The following CPB1 variants were observed in gnomAD, a reference collection of about 807,000 sequenced individuals.
The protein encoded by CPB1 is carboxypeptidase B1.
CPB1 carries 53 observed loss-of-function variants against 51.4 expected under a neutral mutation model. That is an observed-to-expected ratio of 1.03 (90% CI 0.83 to 1.30). The LOEUF is 1.30. Ranked by LOEUF, CPB1 falls within the 50% of genes most tolerant of loss-of-function variation. CPB1 has a pLI of 0.00. For missense variants in CPB1, 494 were observed against 516.2 expected (o/e 0.96, Z 0.42); for synonymous variants, 189 against 186.9 (o/e 1.01, Z -0.09).
At chr3:148,857,069 T>TGTTTTTTTGTTTTTTTTTTTTTTTTG (rs201153962) in intron 9 of CPB1, 1 of 142,974 alleles carries the variant, frequency 7.0e-6, no homozygotes, top group Non-Finnish European at 1.5e-5. Flanking sequence ...AGTGTTTTTT[T>TGTTTTTTTGTTTTTTTTTTTTTTTTG]TTTTTTTTTT....
chr3:148,837,910 A>C (rs1300860931), intron 3 of CPB1, among the ~76,000 whole-genome samples: 1 of 152,122 alleles, frequency 6.6e-6, no homozygotes, highest in African/African-American at 2.4e-5. Context: ...GTCTCTTAGT[A>C]CCAAACAAAA....
intron 2 of CPB1, among the ~76,000 whole-genome samples, chr3:148,833,940 G>T (rs1336819011): frequency 6.9e-6 from 1 of 144,452 alleles, no homozygotes; most frequent in Non-Finnish European, 1.6e-5. Context: ...AGAGCAATTT[G>T]TCTCCAGCCA....
intron 9 of CPB1, among the ~76,000 whole-genome samples, chr3:148,846,462 T>G (rs531565428): frequency 5.5e-4 from 83 of 152,032 alleles, no homozygotes; most frequent in Non-Finnish European, 9.1e-4. Flanking sequence ...AAAAATGTAT[T>G]CCATTTAGAC....
rs569169085 is a variant in CPB1 at position 148,846,445 on chromosome 3, CA to C, written c.981+830del. Among the ~76,000 whole-genome samples, 1,071 of 141,358 alleles carry C rather than the reference CA, an allele frequency of 7.6e-3. 12 individuals carry two copies. The highest frequency in any genetic ancestry group is 0.043 in the East Asian group (210 of 4,928). 92.7% of individuals were successfully genotyped at this position (141,358 alleles called of 152,430 possible). A position where few individuals can be genotyped will look rare whatever the true frequency, so the allele number is the denominator to read the frequency against. On this transcript the variant is annotated intron_variant, in intron 9 of 10. Transcript: ENST00000282957. ...AAGATTTAAAGCATTTGAGTTATGC[CA>C]AAAAAAAAAATGTATTCCATTTAGA...
In CPB1 at chr3:148,844,602, T is replaced by C. The variant is rs759063700; in HGVS notation, c.687+14T>C. 5.0e-6 allele frequency: 8 copies of C among 1,611,726 alleles called. No homozygotes were observed. Among genetic ancestry groups the C allele is most frequent in the African/African-American group, 2.7e-5 (2 of 74,876 alleles). ...ACCTGGACCAAGGTATATGCACCAATACTGAGAGAGGCTGATGAAATTAAA... is the reference window on the plus strand; with the variant it reads ...ACCTGGACCAAGGTATATGCACCAACACTGAGAGAGGCTGATGAAATTAAA... On this transcript the variant is annotated intron_variant, in intron 7 of 10. Transcript: ENST00000282957.
intron 2 of CPB1, among the ~76,000 whole-genome samples, chr3:148,830,957 T>C (rs1712716557): frequency 1.3e-5 from 2 of 152,206 alleles, no homozygotes; most frequent in South Asian, 2.1e-4. Flanking sequence ...TTCTGGGCTG[T>C]AGCCTTCCTG....
intron 2 of CPB1, among the ~76,000 whole-genome samples, chr3:148,829,269 CT>C (rs1384328133): frequency 3.3e-5 from 5 of 152,088 alleles, no homozygotes; most frequent in African/African-American, 9.7e-5. Context: ...GTCTATATTT[CT>C]TTTTTTAAAT....
chr3:148,847,003 T>G (rs1001621417), intron 9 of CPB1, among the ~76,000 whole-genome samples: 4 of 149,518 alleles, frequency 2.7e-5, no homozygotes, highest in Admixed American at 6.7e-5. Context: ...GTATGTAGTT[T>G]GTATAACTCA....
rs1021138024 is a variant in CPB1, at chr3:148,827,943, C to T, written c.71+49C>T. On this transcript the variant is annotated intron_variant, in intron 1 of 10. Coordinates refer to ENST00000282957, the MANE Select transcript of CPB1 (RefSeq NM_001871.3). Reference sequence around the variant, plus strand: ...CAAGTCCTTCTTCCTTGCTAGCCCCCAAATTTGGACACATTACTCATTTCC... The same window carrying T: ...CAAGTCCTTCTTCCTTGCTAGCCCCTAAATTTGGACACATTACTCATTTCC... 7 of 1,611,818 alleles carry T rather than the reference C, an allele frequency of 4.3e-6. No individual in the cohort carries two copies. In the African/African-American group the frequency reaches 9.4e-5, roughly 22 times the overall value.
intron 3 of CPB1, among the ~76,000 whole-genome samples, chr3:148,834,856 C>G (rs1358942339): frequency 6.6e-6 from 1 of 152,164 alleles, no homozygotes. Flanking sequence ...GACCCCAAGT[C>G]TTCTGCCAGA....
chr3:148,857,657 A>T, intron 10 of CPB1, 116 bp downstream of exon 10: 1 of 510,690 alleles, frequency 2.0e-6, no homozygotes, highest in Non-Finnish European at 3.3e-6. Context: ...CTCACAGCAA[A>T]TTTTTCTAAA....
intron 2 of CPB1, among the ~76,000 whole-genome samples, chr3:148,833,729 C>T (rs982063422): frequency 9.6e-5 from 14 of 145,318 alleles, no homozygotes. Flanking sequence ...TAAAACCACA[C>T]ATCCACAGAT....
intron 6 of CPB1, among the ~76,000 whole-genome samples, chr3:148,842,542 A>G (rs1713115991): frequency 6.6e-6 from 1 of 152,264 alleles, no homozygotes; most frequent in South Asian, 2.1e-4. Context: ...GATGCAATAA[A>G]TAAAAGAGAG....
chr3:148,834,202 C>A (rs1712824279), intron 2 of CPB1, among the ~76,000 whole-genome samples: 1 of 152,078 alleles, frequency 6.6e-6, no homozygotes, highest in South Asian at 2.1e-4. Context: ...TCCAGAAAAT[C>A]AATAAATAGA....
At chr3:148,856,863 T>C (rs1438096356) in intron 9 of CPB1, 1 of 152,246 alleles carries the variant, frequency 6.6e-6, no homozygotes, top group Non-Finnish European at 1.5e-5. Flanking sequence ...ATGAATATTC[T>C]CTAACTTTTT....
chr3:148,843,184 CAGTTT>C (rs1713137512), intron 6 of CPB1, among the ~76,000 whole-genome samples: 2 of 152,192 alleles, frequency 1.3e-5, no homozygotes, highest in African/African-American at 2.4e-5. Flanking sequence ...ATAAAGTCTA[CAGTTT>C]AGTTTATAGT....
intron 2 of CPB1, among the ~76,000 whole-genome samples, chr3:148,833,234 A>G (rs897353472): frequency 3.9e-5 from 6 of 152,024 alleles, no homozygotes; most frequent in Non-Finnish European, 7.4e-5. Flanking sequence ...CTATCCTTTC[A>G]ATCCCTTTGT....
intron 9 of CPB1, among the ~76,000 whole-genome samples, chr3:148,846,797 G>GTGTGTGTGTGTGTATATATATA (rs1364486523): frequency 4.0e-5 from 2 of 50,534 alleles, no homozygotes; most frequent in Non-Finnish European, 8.5e-5. Flanking sequence ...GTGTGCGTGT[G>GTGTGTGTGTGTGTATATATATA]TATATATATA....
chr3:148,858,257 G>C (rs1254374788), intron 10 of CPB1, among the ~76,000 whole-genome samples: 1 of 152,096 alleles, frequency 6.6e-6, no homozygotes, highest in Non-Finnish European at 1.5e-5. Context: ...TGAAAGGATT[G>C]TTGCTGGAGG....
Sources: allele counts gnomAD v4.1 joint callset (sites outside exome capture counted in the v4.1 genomes callset), GRCh38; gene constraint gnomAD v4.1.1; transcripts MANE v1.5; gene names NCBI Gene and HGNC (gene_info 2026-07-23, HGNC 2026-07-21).